Variants in DOCK1 observed in about 807,000 individuals in gnomAD.
DOCK1 encodes the protein dedicator of cytokinesis 1.
A neutral mutation model predicts 262.7 loss-of-function variants in DOCK1; 138 were observed. The observed-to-expected ratio is 0.53, with a 90% CI of 0.46 to 0.61. The LOEUF is 0.61. Ranked by LOEUF, DOCK1 falls within the 20% of genes least tolerant of loss-of-function variation. The probability of loss-of-function intolerance (pLI) is 0.00; values close to 1 mark genes in which losing one functional copy is unlikely to be tolerated. For missense variants in DOCK1, 1,908 were observed against 2,370.7 expected, an observed-to-expected ratio of 0.80 and a Z score of 4.05; for synonymous variants, 866 against 867.4, an observed-to-expected ratio of 1.00 and a Z score of 0.03.
chr10:126,946,794 G>C (rs2035444953), intron 1 of DOCK1, among the ~76,000 whole-genome samples: 1 of 152,168 alleles, frequency 6.6e-6, no homozygotes, highest in Non-Finnish European at 1.5e-5. Context: ...GCCACATTTT[G>C]TTTAATTTGT....
At chr10:127,089,948 T>C (rs2136085858) in intron 23 of DOCK1, among the ~76,000 whole-genome samples, 1 of 151,974 alleles carries the variant, frequency 6.6e-6, no homozygotes, top group Middle Eastern at 3.4e-3. Context: ...CATTTATTAG[T>C]TTGGATGTTC....
chr10:127,099,220 G>A (rs2048088390), intron 23 of DOCK1, among the ~76,000 whole-genome samples: 1 of 152,192 alleles, frequency 6.6e-6, no homozygotes, highest in African/African-American at 2.4e-5. Context: ...GAAGTTTGCA[G>A]TCAGTTTGGG....
chr10:127,431,747 C>A (rs1425486021), intron 47 of DOCK1, among the ~76,000 whole-genome samples: 1 of 152,196 alleles, frequency 6.6e-6, no homozygotes, highest in African/African-American at 2.4e-5. Context: ...TCTGTATTAT[C>A]TGTGGCTGCT....
At chr10:126,913,501 C>T (rs921562088) in intron 1 of DOCK1, among the ~76,000 whole-genome samples, 1 of 152,168 alleles carries the variant, frequency 6.6e-6, no homozygotes, top group African/African-American at 2.4e-5. Flanking sequence ...CGTGGCCCTC[C>T]GTGGCCTTGG....
At chr10:127,154,734 G>A (rs187054770) in intron 27 of DOCK1, among the ~76,000 whole-genome samples, 322 of 152,264 alleles carry the variant, frequency 2.1e-3, no homozygotes, top group Non-Finnish European at 4.0e-3. Context: ...TTTGGCCTTT[G>A]TAGGGGAGGT....
At chr10:127,082,331 G>C (rs1355860684) in intron 23 of DOCK1, among the ~76,000 whole-genome samples, 1 of 152,108 alleles carries the variant, frequency 6.6e-6, no homozygotes, top group Non-Finnish European at 1.5e-5. Context: ...TGCCAATAAA[G>C]ACACACCTTA....
At chr10:127,279,105 G>A (rs74406772) in intron 29 of DOCK1, among the ~76,000 whole-genome samples, 1 of 152,156 alleles carries the variant, frequency 6.6e-6, no homozygotes, top group African/African-American at 2.4e-5. Context: ...CCTATCAGGG[G>A]GTGTGAATCC....
chr10:127,106,138 G>T, intron 23 of DOCK1, 93 bp from the exon 24 acceptor site: 1 of 1,268,658 alleles, frequency 7.9e-7, no homozygotes, highest in South Asian at 1.4e-5. Context: ...TCTCTTCTCA[G>T]TATTTCTGCG....
chr10:127,378,711 G>T (rs981613340), intron 35 of DOCK1, among the ~76,000 whole-genome samples: 1 of 152,212 alleles, frequency 6.6e-6, no homozygotes, highest in African/African-American at 2.4e-5. Context: ...AAAGGGGATG[G>T]TGTGAAACCG....
intron 1 of DOCK1, among the ~76,000 whole-genome samples, chr10:126,915,966 A>G (rs1230828088): frequency 2.0e-5 from 3 of 152,188 alleles, no homozygotes; most frequent in Non-Finnish European, 4.4e-5. Context: ...ACTCTTGTCT[A>G]TGAGTATGTA....
rs1357885669 is a variant in DOCK1 at position 127,037,734 on chromosome 10, T to C, written c.1928T>C (p.Leu643Pro). The change falls in exon 19 of 52, where the codon CTC becomes CCC. Residue 643 changes from leucine (L) to proline (P), a missense_variant. Coordinates refer to ENST00000623213, the MANE Select transcript of DOCK1 (RefSeq NM_001290223.2). ...KLTQNVDLLG[L>P]LKWRSNTSLL... ...CTGTTTCCAGTGGACCTTCTGGGGC[T>C]CTTGAAATGGCGCTCCAACACCAGC... 1 of 1,591,740 alleles carries C rather than the reference T, an allele frequency of 6.3e-7. No individual in the cohort carries two copies. The highest frequency in any genetic ancestry group is 8.6e-7 in the Non-Finnish European group (1 of 1,168,884).
chr10:127,096,048 AAG>A (rs1244160790), intron 23 of DOCK1, among the ~76,000 whole-genome samples: 2 of 152,222 alleles, frequency 1.3e-5, no homozygotes, highest in African/African-American at 4.8e-5. Flanking sequence ...GCTGATTACA[AAG>A]AGAATTGATT....
At chr10:127,147,205 G>A (rs2051953250) in intron 27 of DOCK1, among the ~76,000 whole-genome samples, 1 of 152,174 alleles carries the variant, frequency 6.6e-6, no homozygotes, top group African/African-American at 2.4e-5. Context: ...AAGCCGTCAA[G>A]GATTGTGGTG....
intron 51 of DOCK1, among the ~76,000 whole-genome samples, chr10:127,450,195 C>G (rs780560415): frequency 6.6e-6 from 1 of 152,212 alleles, no homozygotes; most frequent in African/African-American, 2.4e-5. Flanking sequence ...TTATTCTCCT[C>G]TCTGTGTTAA....
At chr10:127,016,906 C>A (rs2041959477) in intron 12 of DOCK1, among the ~76,000 whole-genome samples, 1 of 140,898 alleles carries the variant, frequency 7.1e-6, no homozygotes, top group South Asian at 2.3e-4. Context: ...ACACCACAAA[C>A]ACAGATACAC....
intron 23 of DOCK1, among the ~76,000 whole-genome samples, chr10:127,095,026 A>T (rs1158788871): frequency 1.3e-5 from 2 of 152,232 alleles, no homozygotes; most frequent in Non-Finnish European, 2.9e-5. Context: ...GTGAAAAAAC[A>T]AAAAGAATAC....
intron 22 of DOCK1, among the ~76,000 whole-genome samples, chr10:127,058,959 G>C (rs2045352977): frequency 6.6e-6 from 1 of 151,690 alleles, no homozygotes; most frequent in Non-Finnish European, 1.5e-5. Flanking sequence ...TTTTCCTTTG[G>C]GATCATTTTC....
intron 43 of DOCK1, among the ~76,000 whole-genome samples, chr10:127,412,457 G>A (rs541382797): frequency 5.3e-5 from 8 of 152,202 alleles, no homozygotes; most frequent in East Asian, 1.9e-4. Flanking sequence ...ATGTTTATCC[G>A]TCTTGCCTGG....
At chr10:127,400,218 G>A (rs556591591) in intron 38 of DOCK1, among the ~76,000 whole-genome samples, 7 of 151,218 alleles carry the variant, frequency 4.6e-5, no homozygotes, top group African/African-American at 1.2e-4. Flanking sequence ...TCTTTACGTC[G>A]TGGCTATGAC....
Sources: allele counts gnomAD v4.1 joint callset (sites outside exome capture counted in the v4.1 genomes callset), GRCh38; gene constraint gnomAD v4.1.1; transcripts MANE v1.5; gene names NCBI Gene and HGNC (gene_info 2026-07-23, HGNC 2026-07-21).